SLC4A10: variants seen among roughly 807,000 people sequenced by gnomAD.
The protein encoded by SLC4A10 is solute carrier family 4 member 10, also known as sodium-driven chloride bicarbonate exchanger.
A neutral mutation model predicts 137.7 loss-of-function variants in SLC4A10; 42 were observed. The ratio of observed to expected loss-of-function variants is 0.30; its 90% CI spans 0.24 to 0.39. The LOEUF (loss-of-function observed/expected upper bound fraction) is 0.39, where lower values mean the gene tolerates loss of function less well. SLC4A10 is among the 10% of genes least tolerant of loss of function. The pLI is 1.00. For synonymous variants in SLC4A10, 474 were observed against 464.1 expected (o/e 1.02, Z -0.27); for missense variants, 925 against 1,355.0 (o/e 0.68, Z 4.98).
chr2:161,818,909 A>G (rs949364821), intron 3 of SLC4A10, among the ~76,000 whole-genome samples: 19 of 152,134 alleles, frequency 1.2e-4, no homozygotes, highest in East Asian at 3.9e-4. Flanking sequence ...TTGCATCAAT[A>G]TTCATCAAGG....
At chr2:161,682,505 T>C (rs1467276656) in intron 1 of SLC4A10, among the ~76,000 whole-genome samples, 1 of 152,176 alleles carries the variant, frequency 6.6e-6, no homozygotes, top group Non-Finnish European at 1.5e-5. Context: ...GACATATAAA[T>C]AGAATTTTAC....
intron 19 of SLC4A10, among the ~76,000 whole-genome samples, chr2:161,953,095 C>T (rs557576544): frequency 2.6e-5 from 4 of 152,020 alleles, no homozygotes; most frequent in Non-Finnish European, 5.9e-5. Flanking sequence ...GAGCATTCCC[C>T]GAAATTGTTT....
chr2:161,706,576 G>A (rs994038436), intron 1 of SLC4A10, among the ~76,000 whole-genome samples: 2 of 151,388 alleles, frequency 1.3e-5, no homozygotes, highest in Non-Finnish European at 3.0e-5. Flanking sequence ...CTCCAGTTTT[G>A]TTTTACTCAA....
chr2:161,662,014 T>C (rs1275171436), intron 1 of SLC4A10, among the ~76,000 whole-genome samples: 2 of 152,130 alleles, frequency 1.3e-5, no homozygotes, highest in Non-Finnish European at 2.9e-5. Flanking sequence ...ATTCTACTCA[T>C]TAATAGTTAA....
At position 161,942,871 on chromosome 2, in the gene SLC4A10, A is replaced by G. The variant is rs367992718; in HGVS notation, c.2077A>G (p.Ile693Val). ...WRESNISASD[I>V]IWENLTVSEC... ...GGAATCCAATATTTCTGCCTCTGACATAATTTGGGAGAACCTAACTGTGTC... is the reference window on the plus strand; with the variant it reads ...GGAATCCAATATTTCTGCCTCTGACGTAATTTGGGAGAACCTAACTGTGTC... Residue 693 changes from isoleucine to valine, a missense_variant, in exon 16 of 27, where the codon ATA becomes GTA. Ile to Val is a conservative substitution (Grantham distance 29). Transcript: ENST00000446997. The G allele has an allele frequency of 1.9e-6, 3 of 1,599,072 alleles. No homozygotes were observed. The highest frequency in any genetic ancestry group is 1.3e-5 in the African/African-American group (1 of 74,826).
At chr2:161,950,931 T>C in intron 19 of SLC4A10, 83 bp downstream of exon 19, 1 of 1,090,750 alleles carries the variant, frequency 9.2e-7, no homozygotes, top group Non-Finnish European at 1.3e-6. Flanking sequence ...TATTCTGTAT[T>C]CATTTGCACA....
chr2:161,957,546 T>A (rs1394151999), intron 20 of SLC4A10, among the ~76,000 whole-genome samples: 1 of 152,214 alleles, frequency 6.6e-6, no homozygotes, highest in Non-Finnish European at 1.5e-5. Flanking sequence ...TCTGACTGAC[T>A]TGTGACCCGA....
At chr2:161,651,892 T>C (rs1440172656) in intron 1 of SLC4A10, among the ~76,000 whole-genome samples, 1 of 152,312 alleles carries the variant, frequency 6.6e-6, no homozygotes, top group South Asian at 2.1e-4. Flanking sequence ...GTGGGCAGAA[T>C]GATCCCAGTG....
chr2:161,920,432 G>T (rs1440542378), intron 15 of SLC4A10, among the ~76,000 whole-genome samples: 2 of 152,130 alleles, frequency 1.3e-5, no homozygotes, highest in Non-Finnish European at 1.5e-5. Flanking sequence ...AAAATACATA[G>T]GGAATAAGAA....
chr2:161,745,021 G>A (rs1185119982), intron 1 of SLC4A10, among the ~76,000 whole-genome samples: 1 of 152,074 alleles, frequency 6.6e-6, no homozygotes, highest in East Asian at 1.9e-4. Context: ...TGCATGACAA[G>A]TCTTGTGTTG....
intron 2 of SLC4A10, among the ~76,000 whole-genome samples, chr2:161,784,418 A>G (rs927432367): frequency 2.0e-5 from 3 of 151,918 alleles, no homozygotes; most frequent in Admixed American, 6.6e-5. Context: ...ATAGACATGA[A>G]CATTTCACTC....
At chr2:161,823,320 ATGT>A (rs372052188) in intron 3 of SLC4A10, among the ~76,000 whole-genome samples, 7 of 152,352 alleles carry the variant, frequency 4.6e-5, no homozygotes, top group South Asian at 2.1e-4. Flanking sequence ...TACTGTAATA[ATGT>A]TGTAGCCACT....
intron 2 of SLC4A10, among the ~76,000 whole-genome samples, chr2:161,787,084 C>T (rs2053711882): frequency 1.3e-5 from 2 of 151,938 alleles, no homozygotes; most frequent in Admixed American, 6.6e-5. Context: ...GTTTACAACA[C>T]CTTTGAGCAT....
chr2:161,709,003 T>TG (rs1248583571), intron 1 of SLC4A10, among the ~76,000 whole-genome samples: 3 of 151,504 alleles, frequency 2.0e-5, no homozygotes, highest in Non-Finnish European at 3.0e-5. Flanking sequence ...TAGAAATGTG[T>TG]GTGTATGTGT....
intron 1 of SLC4A10, among the ~76,000 whole-genome samples, chr2:161,668,625 A>G (rs1280747702): frequency 6.6e-6 from 1 of 151,878 alleles, no homozygotes; most frequent in Non-Finnish European, 1.5e-5. Flanking sequence ...TTTCCAAAAT[A>G]TATTTTACTG....
intron 16 of SLC4A10, 60 bp downstream of exon 16, chr2:161,942,957 A>G: frequency 3.7e-6 from 5 of 1,341,062 alleles, no homozygotes; most frequent in Non-Finnish European, 5.2e-6. Flanking sequence ...TTTTGACTCA[A>G]TTATTGCCAT....
chr2:161,794,235 C>A (rs548629345), intron 2 of SLC4A10, among the ~76,000 whole-genome samples: 1 of 152,130 alleles, frequency 6.6e-6, no homozygotes, highest in African/African-American at 2.4e-5. Flanking sequence ...GACTATTTTC[C>A]CCAACTTACA....
At chr2:161,949,439 A>T (rs1476005498) in intron 18 of SLC4A10, among the ~76,000 whole-genome samples, 178 bp downstream of exon 18, 2 of 151,922 alleles carry the variant, frequency 1.3e-5, no homozygotes, top group South Asian at 2.1e-4. Flanking sequence ...AAAATATAAG[A>T]ATTACAAAAT....
chr2:161,863,149 T>G (rs1332043120), intron 6 of SLC4A10, 87 bp downstream of exon 6: 5 of 1,223,252 alleles, frequency 4.1e-6, no homozygotes, highest in African/African-American at 1.5e-5. Context: ...ACTTGTTTTA[T>G]TTGAAAATGA....
Sources: gnomAD v4.1 joint callset for allele counts (sites outside exome capture counted in the v4.1 genomes callset) on GRCh38, gnomAD v4.1.1 for gene constraint, MANE v1.5 for transcripts, NCBI Gene and HGNC (gene_info 2026-07-23, HGNC 2026-07-21) for gene names.